THRB: variants seen among roughly 807,000 people sequenced by gnomAD.
THRB encodes thyroid hormone receptor beta, also known as nuclear receptor subfamily 1 group A member 2.
THRB carries 12 observed loss-of-function variants against 47.8 expected under a neutral mutation model. That is an observed-to-expected ratio of 0.25 (90% CI 0.16 to 0.41). THRB has a LOEUF of 0.41. THRB is among the 10% of genes least tolerant of loss of function. The probability of loss-of-function intolerance (pLI) is 1.00; values close to 1 mark genes in which losing one functional copy is unlikely to be tolerated. For synonymous variants in THRB, 218 were observed against 212.2 expected, an observed-to-expected ratio of 1.03 and a Z score of -0.24; for missense variants, 348 against 589.2, an observed-to-expected ratio of 0.59 and a Z score of 4.24.
intron 3 of THRB, among the ~76,000 whole-genome samples, chr3:24,289,872 G>A (rs2055741468): frequency 6.6e-6 from 1 of 152,004 alleles, no homozygotes; most frequent in African/African-American, 2.4e-5. Context: ...CCCTATCATG[G>A]TGACAAACCT....
chr3:24,127,880 G>A (rs748713151), intron 9 of THRB, 123 bp from the exon 10 acceptor site: 12 of 1,170,730 alleles, frequency 1.0e-5, no homozygotes, highest in Non-Finnish European at 1.5e-5. Flanking sequence ...TGCATTCTTT[G>A]AGCCCATGGT....
At chr3:24,420,966 A>G (rs1245416837) in intron 1 of THRB, among the ~76,000 whole-genome samples, 1 of 151,988 alleles carries the variant, frequency 6.6e-6, no homozygotes, top group Non-Finnish European at 1.5e-5. Context: ...CATCAATCAT[A>G]GACTGGAAAA....
intron 8 of THRB, among the ~76,000 whole-genome samples, chr3:24,141,077 T>C (rs137872035): frequency 2.1e-3 from 319 of 152,304 alleles, no homozygotes; most frequent in African/African-American, 7.2e-3. Context: ...TGAATCAAGA[T>C]GGACAATTTC....
chr3:24,258,244 C>A (rs191190636), intron 3 of THRB, among the ~76,000 whole-genome samples: 2 of 152,256 alleles, frequency 1.3e-5, no homozygotes, highest in Admixed American at 1.3e-4. Context: ...TAAGAACCAA[C>A]AGGGTGGGAG....
At position 24,122,497 on chromosome 3, in the gene THRB, G is replaced by A; in HGVS notation, c.*387C>T. On this transcript the variant is annotated 3_prime_UTR_variant, in exon 11 of 11. Transcript: ENST00000646209. ...GTTAACTTCAGCCCTGCGAACATCA[G>A]GATTGGGTGGAGGTGGTCGTATTAT... is the stretch of plus-strand genomic sequence containing the variant. 2 of 319,760 alleles carry A rather than the reference G, an allele frequency of 6.3e-6. No homozygotes were observed. The highest frequency in any genetic ancestry group is 6.0e-5 in the South Asian group (2 of 33,506). The allele number at this position is 319,760 out of a possible 1,614,324, so 19.8% of individuals were successfully genotyped here.
intron 3 of THRB, among the ~76,000 whole-genome samples, chr3:24,269,512 AC>A (rs1298160654): frequency 6.6e-6 from 1 of 151,788 alleles, no homozygotes; most frequent in African/African-American, 2.4e-5. Flanking sequence ...TATGGCCTCA[AC>A]CTCCTGGGCT....
intron 1 of THRB, among the ~76,000 whole-genome samples, chr3:24,341,914 A>T (rs1164129419): frequency 6.6e-6 from 1 of 152,152 alleles, no homozygotes; most frequent in Non-Finnish European, 1.5e-5. Context: ...AGTCCCATCC[A>T]TATAAGACAG....
chr3:24,465,693 C>T (rs554675773), intron 1 of THRB, among the ~76,000 whole-genome samples: 67 of 152,226 alleles, frequency 4.4e-4, no homozygotes, highest in Middle Eastern at 3.4e-3. Flanking sequence ...CTTGAGTCAG[C>T]GCACCCGGCC....
At chr3:24,445,060 C>T (rs955704941) in intron 1 of THRB, among the ~76,000 whole-genome samples, 22 of 151,856 alleles carry the variant, frequency 1.4e-4, no homozygotes, top group Admixed American at 4.6e-4. Context: ...GGTTCTGCTA[C>T]AATAATTAAT....
chr3:24,214,680 G>T (rs1255722406), intron 4 of THRB, among the ~76,000 whole-genome samples: 1 of 152,166 alleles, frequency 6.6e-6, no homozygotes, highest in African/African-American at 2.4e-5. Flanking sequence ...AGTAGGAGGG[G>T]CTGCTGCAAA....
chr3:24,285,211 A>G (rs2055136359), intron 3 of THRB, among the ~76,000 whole-genome samples: 1 of 149,116 alleles, frequency 6.7e-6, no homozygotes, highest in South Asian at 2.1e-4. Context: ...GACTGGATTA[A>G]GAAAATGTGG....
chr3:24,487,745 A>G (rs745395368), intron 1 of THRB, among the ~76,000 whole-genome samples: 49 of 152,208 alleles, frequency 3.2e-4, no homozygotes, highest in Admixed American at 7.2e-4. Flanking sequence ...AACATGACAC[A>G]CACTTGTCAC....
chr3:24,187,727 T>C (rs2042781823), intron 5 of THRB, among the ~76,000 whole-genome samples: 1 of 152,192 alleles, frequency 6.6e-6, no homozygotes, highest in Non-Finnish European at 1.5e-5. Context: ...TATAACTCTC[T>C]TCATAGTAAC....
intron 1 of THRB, among the ~76,000 whole-genome samples, chr3:24,343,981 T>C (rs1220491975): frequency 2.0e-5 from 3 of 148,560 alleles, no homozygotes; most frequent in Non-Finnish European, 4.5e-5. Flanking sequence ...ATTTCCCACA[T>C]GTGGGAAATT....
intron 1 of THRB, among the ~76,000 whole-genome samples, chr3:24,339,316 T>C (rs114515565): frequency 0.012 from 1,839 of 152,330 alleles, 39 homozygotes; most frequent in African/African-American, 0.04. Flanking sequence ...GTTGTTCTAA[T>C]TATTTTGTCT....
At chr3:24,459,353 C>T (rs2073482472) in intron 1 of THRB, 1 of 152,216 alleles carries the variant, frequency 6.6e-6, no homozygotes, top group South Asian at 2.1e-4. Flanking sequence ...TTTCTTTATC[C>T]ACTCTATCAT....
intron 1 of THRB, among the ~76,000 whole-genome samples, chr3:24,381,223 C>T (rs1240456451): frequency 6.6e-6 from 1 of 152,058 alleles, no homozygotes; most frequent in Non-Finnish European, 1.5e-5. Context: ...GAGATACACT[C>T]TGGTAAAACC....
At chr3:24,135,501 A>G (rs930253208) in intron 8 of THRB, among the ~76,000 whole-genome samples, 1 of 152,000 alleles carries the variant, frequency 6.6e-6, no homozygotes, top group Admixed American at 6.5e-5. Flanking sequence ...TTTTGGGGCA[A>G]CTGTTGGCAT....
chr3:24,273,630 AT>A (rs1386288510), intron 3 of THRB, among the ~76,000 whole-genome samples: 4 of 152,164 alleles, frequency 2.6e-5, no homozygotes, highest in East Asian at 3.8e-4. Context: ...AGCTGACCTG[AT>A]TTCATATGAG....
Sources: gnomAD v4.1 joint callset for allele counts (sites outside exome capture counted in the v4.1 genomes callset) on GRCh38, gnomAD v4.1.1 for gene constraint, MANE v1.5 for transcripts, NCBI Gene and HGNC (gene_info 2026-07-23, HGNC 2026-07-21) for gene names.